Variants in AGBL1 observed in about 807,000 individuals in gnomAD.
The protein encoded by AGBL1 is AGBL carboxypeptidase 1.
A neutral mutation model predicts 118.9 loss-of-function variants in AGBL1; 130 were observed. The observed-to-expected ratio is 1.09, with a 90% CI of 0.95 to 1.26. The LOEUF (loss-of-function observed/expected upper bound fraction) is 1.26. AGBL1 is among the 50% of genes most tolerant of loss of function. AGBL1 has a pLI of 0.00. For synonymous variants in AGBL1, 555 were observed against 478.9 expected, an observed-to-expected ratio of 1.16 and a Z score of -2.08; for missense variants, 1,584 against 1,298.1, an observed-to-expected ratio of 1.22 and a Z score of -3.38.
intron 17 of AGBL1, among the ~76,000 whole-genome samples, chr15:86,315,626 A>C (rs910304966): frequency 3.3e-5 from 5 of 151,710 alleles, no homozygotes; most frequent in African/African-American, 1.2e-4. Context: ...GCTGAGGCAG[A>C]AGAATTACTT....
At chr15:86,996,207 G>A (rs1487142756) in intron 24 of AGBL1, among the ~76,000 whole-genome samples, 3 of 152,066 alleles carry the variant, frequency 2.0e-5, no homozygotes, top group African/African-American at 7.2e-5. Context: ...TGAACATATT[G>A]TGAGGCTATA....
intron 17 of AGBL1, among the ~76,000 whole-genome samples, chr15:86,355,845 C>T (rs1332979341): frequency 6.6e-6 from 1 of 152,106 alleles, no homozygotes; most frequent in Non-Finnish European, 1.5e-5. Flanking sequence ...ATTTGTGCTT[C>T]CCCATGTTTT....
At chr15:86,880,872 C>G (rs1045034289) in intron 22 of AGBL1, among the ~76,000 whole-genome samples, 1 of 152,090 alleles carries the variant, frequency 6.6e-6, no homozygotes, top group Admixed American at 6.5e-5. Context: ...CCTTTACTTC[C>G]CTGTTACAGC....
intron 18 of AGBL1, among the ~76,000 whole-genome samples, chr15:86,447,973 C>T (rs947302661): frequency 1.3e-5 from 2 of 151,878 alleles, no homozygotes; most frequent in East Asian, 1.9e-4. Flanking sequence ...AACGAGACCT[C>T]GACTCTACAA....
intron 1 of AGBL1, among the ~76,000 whole-genome samples, chr15:86,086,745 T>C (rs1032008163): frequency 3.3e-5 from 5 of 152,204 alleles, no homozygotes; most frequent in Admixed American, 3.3e-4. Context: ...CTTAAATTTG[T>C]GCATATAAGT....
chr15:86,101,513 A>T (rs1896716768), intron 1 of AGBL1, among the ~76,000 whole-genome samples: 1 of 151,586 alleles, frequency 6.6e-6, no homozygotes, highest in Non-Finnish European at 1.5e-5. Flanking sequence ...CTGTTCTTTT[A>T]TATTTGATAC....
In AGBL1 at chr15:86,827,430, CACAT is replaced by C. The variant is rs1567194737; in HGVS notation, c.3159-79655_3159-79652del. Among the ~76,000 whole-genome samples, 17 of 3,934 alleles carry C rather than the reference CACAT, an allele frequency of 4.3e-3. 2 individuals carry two copies. Among genetic ancestry groups the C allele is most frequent in the African/African-American group, 0.011 (16 of 1,454 alleles). The allele number at this position is 3,934 out of a possible 152,430, so 2.6% of individuals were successfully genotyped here. On this transcript the variant is annotated intron_variant, in intron 22 of 22. Transcript: ENST00000614907. ...ATATGTGTATATATATATATATATA[CACAT>C]ATATATATGTGTGTGTATATATATA...
rs533208654 is a variant in AGBL1, at chr15:86,806,054, G to T, written c.3159-101033G>T. ...CAAGGCCCAGCATATTCATACTTTG[G>T]CCTCACTGTTTGGAGGCTTGCTGGG... On this transcript the variant is annotated intron_variant, in intron 22 of 22. Transcript: ENST00000614907. 3.3e-5 allele frequency among the ~76,000 whole-genome samples: 5 copies of T among 152,232 alleles called. No individual in the cohort carries two copies. The South Asian group carries it at 1.0e-3, about 32-fold the overall frequency.
intron 22 of AGBL1, among the ~76,000 whole-genome samples, chr15:86,703,117 G>A (rs1169598231): frequency 2.0e-5 from 3 of 152,126 alleles, no homozygotes; most frequent in Non-Finnish European, 4.4e-5. Context: ...TTATCAACTG[G>A]GTAGAGTGGT....
rs78043982 is a variant in AGBL1 at position 87,000,866 on chromosome 15, C to A, written c.3323+12778C>A. 4.1e-5 allele frequency among the ~76,000 whole-genome samples: 6 copies of A among 147,676 alleles called. No homozygotes were observed. In the East Asian group the frequency reaches 9.9e-4, roughly 24 times the overall value. ...TGATTCTTCCTACCCATGAGCATGG[C>A]ATGTTCTTCCATTTGTTTGTATCCT... On this transcript the variant is annotated intron_variant, in intron 24 of 24. Transcript: ENST00000441037.
At chr15:86,805,531 C>A (rs2078704325) in intron 22 of AGBL1, among the ~76,000 whole-genome samples, 1 of 151,564 alleles carries the variant, frequency 6.6e-6, no homozygotes, top group Non-Finnish European at 1.5e-5. Context: ...GACATGTGCA[C>A]AATAGGAAGA....
intron 22 of AGBL1, among the ~76,000 whole-genome samples, chr15:86,699,949 T>C (rs1276188169): frequency 6.6e-6 from 1 of 152,122 alleles, no homozygotes; most frequent in Non-Finnish European, 1.5e-5. Context: ...ATTATTATTA[T>C]GGTGAATAAA....
intron 23 of AGBL1, among the ~76,000 whole-genome samples, chr15:86,946,980 T>C (rs1284105223): frequency 1.3e-5 from 2 of 152,072 alleles, no homozygotes; most frequent in Non-Finnish European, 2.9e-5. Context: ...CATCTTTTCA[T>C]ATGGGCTTTA....
chr15:86,957,126 G>C (rs759285460), intron 23 of AGBL1, among the ~76,000 whole-genome samples: 2 of 152,066 alleles, frequency 1.3e-5, no homozygotes, highest in Non-Finnish European at 2.9e-5. Context: ...CATTCTGTGC[G>C]TGTGGGATCT....
At chr15:86,255,890 C>CT (rs1567159044) in intron 7 of AGBL1, among the ~76,000 whole-genome samples, 1 of 152,038 alleles carries the variant, frequency 6.6e-6, no homozygotes. Flanking sequence ...ATGGAAGTAC[C>CT]TGTAATGTTG....
intron 7 of AGBL1, among the ~76,000 whole-genome samples, chr15:86,251,578 C>A (rs2078816603): frequency 6.6e-6 from 1 of 152,136 alleles, no homozygotes; most frequent in African/African-American, 2.4e-5. Flanking sequence ...CACACCTTTG[C>A]CATCATAATA....
rs749453252 is a variant in AGBL1, at chr15:86,554,458, T to C, written c.2915T>C (p.Val972Ala). The part of the protein sequence containing the change: ...EKSRASTARV[V>A]VWREMGVSRS... Reference sequence around the variant, plus strand: ...TCTCGAGCTTCCACGGCCCGGGTGGTGGTGTGGAGAGAGATGGGGGTGTCC... The same window carrying C: ...TCTCGAGCTTCCACGGCCCGGGTGGCGGTGTGGAGAGAGATGGGGGTGTCC... The change falls in exon 21 of 23, where the codon GTG (valine) becomes GCG (alanine). Residue 972 changes from valine to alanine, a missense_variant. Physicochemically the swap from Val to Ala is moderately conservative, Grantham distance 64. Transcript: ENST00000614907. The C allele has an allele frequency of 1.5e-5, 24 of 1,588,028 alleles. No homozygotes were observed. Among genetic ancestry groups the C allele is most frequent in the Non-Finnish European group, 1.9e-5 (22 of 1,167,374 alleles).
intron 22 of AGBL1, among the ~76,000 whole-genome samples, chr15:86,785,430 A>G (rs181343467): frequency 7.4e-6 from 1 of 134,630 alleles, no homozygotes; most frequent in Admixed American, 9.0e-5. Flanking sequence ...GCTACAGTGT[A>G]GTGGTGTGAT....
intron 18 of AGBL1, among the ~76,000 whole-genome samples, chr15:86,519,139 C>T (rs2083156369): frequency 6.6e-6 from 1 of 152,102 alleles, no homozygotes; most frequent in African/African-American, 2.4e-5. Flanking sequence ...CTTCCCCACA[C>T]CCACCTCCAT....
Sources: gnomAD v4.1 joint callset for allele counts (sites outside exome capture counted in the v4.1 genomes callset) on GRCh38, gnomAD v4.1.1 for gene constraint, MANE v1.5 for transcripts, NCBI Gene and HGNC (gene_info 2026-07-23, HGNC 2026-07-21) for gene names.